The following EPHA1 variants were observed in gnomAD, a reference collection of about 807,000 sequenced individuals.
EPHA1 encodes the protein EPH receptor A1.
EPHA1 carries 92 observed loss-of-function variants against 110.1 expected under a neutral mutation model. That is an observed-to-expected ratio of 0.84 (90% CI 0.71 to 0.99). The LOEUF (loss-of-function observed/expected upper bound fraction) is 0.99, where lower values mean the gene tolerates loss of function less well. EPHA1 is among the 50% of genes least tolerant of loss of function. The pLI, the probability that EPHA1 is intolerant of heterozygous loss-of-function variation, is 0.00. For missense variants in EPHA1, 1,204 were observed against 1,285.4 expected (o/e 0.94, Z 0.97); for synonymous variants, 500 against 516.1 (o/e 0.97, Z 0.42).
At chr7:143,404,820 A>ATG (rs1805501574) in intron 2 of EPHA1, among the ~76,000 whole-genome samples, 1 of 152,140 alleles carries the variant, frequency 6.6e-6, no homozygotes, top group African/African-American at 2.4e-5. Flanking sequence ...TGAATTTTCA[A>ATG]AAGCTCTCAA....
rs140236236 is a variant in EPHA1 at position 143,398,756 on chromosome 7, G to A, written c.1181C>T (p.Pro394Leu). The change falls in exon 6 of 18, where the codon CCG becomes CTG. Residue 394 changes from proline (P) to leucine (L), a missense_variant. Coordinates refer to ENST00000275815, the MANE Select transcript of EPHA1 (RefSeq NM_005232.5). ...AGGTGTGGTGAGCCCCCGGGCCCCCGGCGAGAAGTGCACGCCCACCCCACA... is the reference window on the plus strand; with the variant it reads ...AGGTGTGGTGAGCCCCCGGGCCCCCAGCGAGAAGTGCACGCCCACCCCACA... ...QPCGVGVHFS[P>L]GARGLTTPAV... 7.4e-4 allele frequency: 1,199 copies of A among 1,613,830 alleles called. No homozygotes were observed. The highest frequency in any genetic ancestry group is 9.6e-4 in the Non-Finnish European group (1,138 of 1,180,006).
intron 2 of EPHA1, among the ~76,000 whole-genome samples, chr7:143,402,317 C>T (rs1240673170): frequency 1.3e-5 from 2 of 152,152 alleles, no homozygotes; most frequent in African/African-American, 2.4e-5. Flanking sequence ...TCAATTATAG[C>T]CATCATCGAA....
At position 143,395,888 on chromosome 7, in the gene EPHA1, C is replaced by T. The variant is rs778387261; in HGVS notation, c.1898-384G>A. Reference sequence around the variant, plus strand: ...CTCTCTTCTGTGAGCTCCTCTGGTCCCAGCTTGCCTGGCTCAGCTGCACAA... The same window carrying T: ...CTCTCTTCTGTGAGCTCCTCTGGTCTCAGCTTGCCTGGCTCAGCTGCACAA... On this transcript the variant is annotated intron_variant, in intron 11 of 17. Transcript: ENST00000275815. The surrounding 1 kb of genome is among the most constrained non-coding windows in gnomAD (Gnocchi z 4.7). Among the ~76,000 whole-genome samples the T allele has an allele frequency of 3.9e-5, 6 of 152,226 alleles. No homozygotes were observed. The highest frequency in any genetic ancestry group is 4.1e-4 in the South Asian group (2 of 4,836).
At position 143,394,864 on chromosome 7, in the gene EPHA1, A is replaced by T. The variant is rs1425649832; in HGVS notation, c.2296T>A (p.Ser766Thr). Residue 766 changes from serine to threonine, a missense_variant, in exon 14 of 18, where the codon TCT becomes ACT. Transcript: ENST00000275815. ...LVNQNLCCKVSDFGLTRLLDD... is the reference protein window; with the variant it reads ...LVNQNLCCKVTDFGLTRLLDD... Reference sequence around the variant, plus strand: ...AGGAGGCGAGTCAGGCCAAAGTCAGACACCTTGCAGCACAGGTTTTGATTC... The same window carrying T: ...AGGAGGCGAGTCAGGCCAAAGTCAGTCACCTTGCAGCACAGGTTTTGATTC... 10 of 1,614,106 alleles carry T rather than the reference A, an allele frequency of 6.2e-6. No homozygotes were observed. Among genetic ancestry groups the T allele is most frequent in the Non-Finnish European group, 7.6e-6 (9 of 1,180,024 alleles).
intron 2 of EPHA1, 117 bp downstream of exon 2, chr7:143,407,494 T>A: frequency 1.3e-4 from 101 of 756,414 alleles, no homozygotes; most frequent in Middle Eastern, 1.1e-3. Flanking sequence ...TCCCCCTCCC[T>A]GAGGAGACAC....
intron 2 of EPHA1, among the ~76,000 whole-genome samples, chr7:143,405,051 A>G (rs946191323): frequency 2.0e-5 from 3 of 151,988 alleles, no homozygotes; most frequent in African/African-American, 7.3e-5. Context: ...TGAGGCACAT[A>G]TTTCTGCATT....
chr7:143,399,796 G>C lies in EPHA1; in HGVS notation c.690C>G (p.Thr230=). Residue 230 remains threonine (T), a synonymous_variant, in exon 4 of 18, where the codon ACC becomes ACG. Coordinates refer to ENST00000275815, the MANE Select transcript of EPHA1 (RefSeq NM_005232.5). ...GPAGLVEVAG[T]CLPHARASPR... ...GGCTGGCCCGCGCGTGGGGCAAGCA[G>C]GTCCCCGCCACTTCCACCAACCCAG... is the stretch of plus-strand genomic sequence containing the variant. The C allele has an allele frequency of 1.3e-6, 2 of 1,574,570 alleles. No individual in the cohort carries two copies. Among genetic ancestry groups the C allele is most frequent in the South Asian group, 1.1e-5 (1 of 87,964 alleles).
intron 1 of EPHA1, chr7:143,407,914 C>T (rs972985831): frequency 2.8e-6 from 1 of 351,154 alleles, no homozygotes; most frequent in Admixed American, 4.7e-5. Context: ...AGGGTTGGGG[C>T]GCTGGGTCTT....
At chr7:143,394,092 G>T in intron 15 of EPHA1, 102 bp downstream of exon 15, 1 of 1,462,540 alleles carries the variant, frequency 6.8e-7, no homozygotes, top group Non-Finnish European at 9.2e-7. Context: ...TGAAGGTCAT[G>T]AATAAATAAA....
chr7:143,396,293 G>T, intron 11 of EPHA1, 92 bp downstream of exon 11: 1 of 1,498,282 alleles, frequency 6.7e-7, no homozygotes, highest in Non-Finnish European at 8.9e-7. Context: ...CAGCTGGGCT[G>T]CCCAGGGAAG....
chr7:143,394,068 G>A, intron 15 of EPHA1, 126 bp downstream of exon 15: 1 of 1,349,182 alleles, frequency 7.4e-7, no homozygotes, highest in Non-Finnish European at 1.0e-6. Context: ...GAGGAGCCAG[G>A]AGTACAGAAA....
Position 143,397,639 on chromosome 7 carries a change from C to T in EPHA1, c.1634G>A (p.Gly545Glu). The T allele has an allele frequency of 6.2e-7, 1 of 1,614,168 alleles. No individual in the cohort carries two copies. ...TSPPVSRGLT[G>E]GEIVAVIFGL... ...AAAGATGACGGCTACAATCTCTCCT[C>T]CAGTCAGGCCCCTGGACACTGTAGG... The change falls in exon 9 of 18, where the codon GGA becomes GAA. Residue 545 changes from glycine (G) to glutamate (E), a missense_variant. Coordinates refer to ENST00000275815, the MANE Select transcript of EPHA1 (RefSeq NM_005232.5).
Position 143,401,420 on chromosome 7 carries a change from T to TC in EPHA1, c.335dup (p.Ala113SerfsTer18), listed in dbSNP as rs1805412486. 6.2e-7 allele frequency: 1 copy of TC among 1,613,820 alleles called. No homozygotes were observed. The highest frequency in any genetic ancestry group is 8.5e-7 in the Non-Finnish European group (1 of 1,179,996). ...TCTCCTTGCAGCCCAGAGGCCCGGC[T>TC]CCCCCAGGGAAACTCTTGCAGTCCC... On this transcript the variant is annotated frameshift_variant, in exon 3 of 18. Transcript: ENST00000275815. LOFTEE classifies it high-confidence loss of function. The surrounding 1 kb of genome is among the most constrained non-coding windows in gnomAD (Gnocchi z 4.1).
intron 2 of EPHA1, among the ~76,000 whole-genome samples, chr7:143,407,342 T>TC (rs1028370606): frequency 1.3e-5 from 2 of 151,990 alleles, no homozygotes; most frequent in African/African-American, 4.8e-5. Flanking sequence ...TGAGCTCCTC[T>TC]CCCCCTCACA....
chr7:143,399,920 C>A lies in EPHA1; in HGVS notation c.566G>T (p.Gly189Val). The A allele has an allele frequency of 6.2e-7, 1 of 1,613,326 alleles. No homozygotes were observed. Among genetic ancestry groups the A allele is most frequent in the South Asian group, 1.1e-5 (1 of 90,908 alleles). Residue 189 changes from glycine (G) to valine (V), a missense_variant, in exon 4 of 18, where the codon GGT (glycine) becomes GTT (valine). By Grantham distance (109) the Gly-to-Val change is moderately radical. Transcript: ENST00000275815. The stretch of plus-strand genomic sequence containing the variant: ...GACAGACACCAGGGCCACACAGGCA[C>A]CCGGGTTGTGGAAAGCGAGGTAGAG... The part of the protein sequence containing the change: ...RGLYLAFHNP[G>V]ACVALVSVRV...
chr7:143,397,207 C>T, intron 10 of EPHA1, 97 bp downstream of exon 10: 2 of 1,425,490 alleles, frequency 1.4e-6, no homozygotes, highest in Non-Finnish European at 1.9e-6. Flanking sequence ...AAATGTGTCC[C>T]TTGATCCCTT....
At chr7:143,396,588 G>A (rs1006751174) in intron 10 of EPHA1, 78 bp from the exon 11 acceptor site, 64 of 1,544,762 alleles carry the variant, frequency 4.1e-5, no homozygotes, top group South Asian at 2.8e-4. Context: ...GGCCAGCAGC[G>A]GACCACACAC....
intron 16 of EPHA1, among the ~76,000 whole-genome samples, chr7:143,392,250 C>G (rs987682685): frequency 5.9e-5 from 9 of 152,356 alleles, no homozygotes; most frequent in Admixed American, 5.9e-4. Flanking sequence ...TTCTTGCACT[C>G]TGACACCCAC....
chr7:143,398,374 G>C lies in EPHA1; in HGVS notation c.1411C>G (p.Arg471Gly). ...RQLELTWAGS[R>G]PRSPGANLTY... ...AGGTTCGCCCCAGGGCTTCGGGGCC[G>C]GGACCCCGCCCAGGTCAGCTCTAGT... The change falls in exon 7 of 18, where the codon CGG becomes GGG. Residue 471 changes from arginine to glycine, a missense_variant. Physicochemically the swap from Arg to Gly is moderately radical, Grantham distance 125 (BLOSUM62 -2). Coordinates refer to ENST00000275815, the MANE Select transcript of EPHA1 (RefSeq NM_005232.5). 2 of 1,614,128 alleles carry C rather than the reference G, an allele frequency of 1.2e-6. No individual in the cohort carries two copies. The highest frequency in any genetic ancestry group is 1.7e-6 in the Non-Finnish European group (2 of 1,179,982).
Sources: gnomAD v4.1 joint callset for allele counts (sites outside exome capture counted in the v4.1 genomes callset) on GRCh38, gnomAD v4.1.1 for gene constraint, Gnocchi (gnomAD v3.1) non-coding constraint, MANE v1.5 for transcripts, NCBI Gene and HGNC (gene_info 2026-07-23, HGNC 2026-07-21) for gene names.